KCNAB1: variants seen among roughly 807,000 people sequenced by gnomAD.
KCNAB1 encodes the protein potassium voltage-gated channel subfamily A regulatory beta subunit 1.
In KCNAB1, 35 loss-of-function variants were observed where a neutral mutation model predicts 64.6. The observed-to-expected ratio is 0.54, with a 90% confidence interval of 0.41 to 0.72. The LOEUF (loss-of-function observed/expected upper bound fraction) is 0.72, where lower values mean the gene tolerates loss of function less well. Ranked by LOEUF, KCNAB1 falls within the 30% of genes least tolerant of loss-of-function variation. The probability of loss-of-function intolerance (pLI) is 0.00; values close to 1 mark genes in which losing one functional copy is unlikely to be tolerated. For missense variants in KCNAB1, 401 were observed against 512.9 expected, an observed-to-expected ratio of 0.78 and a Z score of 2.11; for synonymous variants, 177 against 183.8, an observed-to-expected ratio of 0.96 and a Z score of 0.30.
At chr3:156,515,060 T>C (rs1312770140) in intron 9 of KCNAB1, 40 bp from the exon 10 acceptor site, 1 of 1,549,878 alleles carries the variant, frequency 6.5e-7, no homozygotes, top group East Asian at 2.3e-5. Flanking sequence ...GCCTTATTTC[T>C]CATCAGTATA....
At chr3:156,297,777 C>T (rs961977015) in intron 1 of KCNAB1, among the ~76,000 whole-genome samples, 5 of 151,316 alleles carry the variant, frequency 3.3e-5, no homozygotes, top group African/African-American at 9.7e-5. Flanking sequence ...TGTGTGTGCG[C>T]GTGTGCTCGT....
chr3:156,492,573 C>G (rs770488877), intron 8 of KCNAB1, among the ~76,000 whole-genome samples: 1 of 152,082 alleles, frequency 6.6e-6, no homozygotes, highest in Non-Finnish European at 1.5e-5. Flanking sequence ...TCAGATACTC[C>G]TACCTCAGCT....
intron 1 of KCNAB1, among the ~76,000 whole-genome samples, chr3:156,387,541 T>C (rs1230224880): frequency 1.3e-5 from 2 of 152,252 alleles, no homozygotes; most frequent in African/African-American, 4.8e-5. Flanking sequence ...GTAATGTCTT[T>C]AGCCATTTCC....
chr3:156,536,625 C>T (rs1209029915), intron 13 of KCNAB1, 33 bp from the exon 14 acceptor site: 2 of 1,428,162 alleles, frequency 1.4e-6, no homozygotes, highest in Non-Finnish European at 2.0e-6. Context: ...ACACTGCTAA[C>T]AATATCCTTT....
chr3:156,249,027 T>G (rs554963074), intron 1 of KCNAB1, among the ~76,000 whole-genome samples: 4,308 of 149,460 alleles, frequency 0.029, 89 homozygotes, highest in African/African-American at 0.043. Flanking sequence ...AATCTGGTTG[T>G]GTTTTTTTTT....
intron 1 of KCNAB1, among the ~76,000 whole-genome samples, chr3:156,378,437 A>C (rs763061177): frequency 2.0e-5 from 3 of 152,142 alleles, no homozygotes; most frequent in Non-Finnish European, 4.4e-5. Context: ...TGAACTATGC[A>C]TGCATGGTTT....
chr3:156,310,599 C>T (rs538909714), intron 1 of KCNAB1, among the ~76,000 whole-genome samples: 24 of 152,162 alleles, frequency 1.6e-4, no homozygotes, highest in Admixed American at 4.6e-4. Flanking sequence ...GTCAGGAGTT[C>T]GAGACCATCC....
intron 1 of KCNAB1, among the ~76,000 whole-genome samples, chr3:156,159,929 A>G (rs1715976757): frequency 6.6e-6 from 1 of 152,256 alleles, no homozygotes; most frequent in Non-Finnish European, 1.5e-5. Context: ...CTCTAAAGAA[A>G]TTCTAAGAGC....
Position 156,462,904 on chromosome 3 carries a change from T to C in KCNAB1, c.483-798T>C, listed in dbSNP as rs544569593. On this transcript the variant is annotated intron_variant, in intron 5 of 13. Transcript: ENST00000490337. ...TCAAGACATATTTCTTATTCCATGA[T>C]CATAATGCTAGGATTGCATTTCCTG... 2.0e-5 allele frequency among the ~76,000 whole-genome samples: 3 copies of C among 152,306 alleles called. No individual in the cohort carries two copies. In the South Asian group the frequency reaches 6.2e-4, roughly 32 times the overall value.
chr3:156,424,925 A>G (rs1399517181), intron 2 of KCNAB1, among the ~76,000 whole-genome samples: 1 of 152,206 alleles, frequency 6.6e-6, no homozygotes, highest in East Asian at 1.9e-4. Flanking sequence ...GGAAACAAGG[A>G]AGTTCATAGG....
At chr3:156,244,574 T>C (rs531309962) in intron 1 of KCNAB1, among the ~76,000 whole-genome samples, 21 of 152,334 alleles carry the variant, frequency 1.4e-4, no homozygotes, top group African/African-American at 5.1e-4. Flanking sequence ...CTCTTCCAGA[T>C]TCCTACTTCC....
intron 1 of KCNAB1, among the ~76,000 whole-genome samples, chr3:156,288,465 G>T (rs988076602): frequency 6.6e-6 from 1 of 152,204 alleles, no homozygotes; most frequent in African/African-American, 2.4e-5. Flanking sequence ...ACAATGAAAA[G>T]ATACATATTC....
chr3:156,457,246 C>T (rs1180829854), intron 3 of KCNAB1: 1 of 1,366,998 alleles, frequency 7.3e-7, no homozygotes, highest in African/African-American at 1.5e-5. Flanking sequence ...CAAGTAACCC[C>T]TCAGTGCCCT....
At chr3:156,131,810 TG>T (rs1714014942) in intron 1 of KCNAB1, among the ~76,000 whole-genome samples, 1 of 152,142 alleles carries the variant, frequency 6.6e-6, no homozygotes, top group Admixed American at 6.6e-5. Flanking sequence ...TCCAGTCAGG[TG>T]GGACTTGGGC....
chr3:156,495,980 A>G (rs1172058796), intron 8 of KCNAB1, among the ~76,000 whole-genome samples: 1 of 152,148 alleles, frequency 6.6e-6, no homozygotes, highest in African/African-American at 2.4e-5. Flanking sequence ...GAAGGACAAT[A>G]CATTACACAT....
chr3:156,269,321 T>C (rs1718897938), intron 1 of KCNAB1, among the ~76,000 whole-genome samples: 1 of 152,236 alleles, frequency 6.6e-6, no homozygotes, highest in South Asian at 2.1e-4. Flanking sequence ...GTTGTTGACT[T>C]CTAGCCTTAT....
At chr3:156,215,860 G>A (rs1471888115) in intron 1 of KCNAB1, 1 of 152,222 alleles carries the variant, frequency 6.6e-6, no homozygotes, top group African/African-American at 2.4e-5. Flanking sequence ...GGAGAGAGAT[G>A]ACATAATTCC....
intron 1 of KCNAB1, among the ~76,000 whole-genome samples, chr3:156,351,354 T>C (rs1334228363): frequency 6.6e-6 from 1 of 152,162 alleles, no homozygotes; most frequent in Non-Finnish European, 1.5e-5. Context: ...GAAGAGGCAA[T>C]AGAGACCTAA....
chr3:156,120,650 C>T lies in KCNAB1; in HGVS notation c.39C>T (p.Ile13=). ...AARTGAAGSQ[I]SEENTKLRRQ... ...GGACAGGGGCAGCGGGGAGTCAGAT[C>T]TCAGAGGAGAACACCAAGTTAAGGA... The change falls in exon 1 of 14, where the codon ATC becomes ATT. Residue 13 remains isoleucine, a synonymous_variant. Coordinates refer to ENST00000490337, the MANE Select transcript of KCNAB1 (RefSeq NM_172160.3). 6.2e-7 allele frequency: 1 copy of T among 1,614,208 alleles called. No homozygotes were observed. Among genetic ancestry groups the T allele is most frequent in the South Asian group, 1.1e-5 (1 of 91,082 alleles).
Sources: gnomAD v4.1 joint callset for allele counts (sites outside exome capture counted in the v4.1 genomes callset) on GRCh38, gnomAD v4.1.1 for gene constraint, MANE v1.5 for transcripts, NCBI Gene and HGNC (gene_info 2026-07-23, HGNC 2026-07-21) for gene names.